The following AP4S1 variants were observed in gnomAD, a reference collection of about 807,000 sequenced individuals.
AP4S1 encodes adaptor related protein complex 4 subunit sigma 1.
A neutral mutation model predicts 19.8 loss-of-function variants in AP4S1; 23 were observed. The observed-to-expected ratio is 1.16, with a 90% CI of 0.84 to 1.65. The LOEUF (loss-of-function observed/expected upper bound fraction) is 1.65, where lower values mean the gene tolerates loss of function less well. Ranked by LOEUF, AP4S1 falls within the 40% of genes most tolerant of loss-of-function variation. The pLI is 0.00. For synonymous variants in AP4S1, 46 were observed against 54.1 expected (o/e 0.85, Z 0.66); for missense variants, 166 against 172.8 (o/e 0.96, Z 0.22).
intron 1 of AP4S1, chr14:31,026,522 A>C: frequency 1.2e-5 from 3 of 248,232 alleles, no homozygotes; most frequent in Non-Finnish European, 1.5e-5. Flanking sequence ...TAATCGCCAA[A>C]TAGAGTCCGG....
In AP4S1 at chr14:31,067,739, G is replaced by A. The variant is rs190663104; in HGVS notation, c.138+1405G>A. 9.9e-3 allele frequency among the ~76,000 whole-genome samples: 1,509 copies of A among 151,716 alleles called. 24 individuals carry two copies. The highest frequency in any genetic ancestry group is 0.035 in the African/African-American group (1,434 of 41,374). On this transcript the variant is annotated intron_variant, in intron 2 of 5. Coordinates refer to ENST00000542754, the MANE Select transcript of AP4S1 (RefSeq NM_001128126.3). ...TCACCATGTTGGTCAGGCTGGTCTCGAACTCCTGACCTCAAGTGATCTGCC... is the reference window on the plus strand; with the variant it reads ...TCACCATGTTGGTCAGGCTGGTCTCAAACTCCTGACCTCAAGTGATCTGCC...
chr14:31,036,889 T>C (rs1884807246), intron 1 of AP4S1, among the ~76,000 whole-genome samples: 1 of 152,106 alleles, frequency 6.6e-6, no homozygotes, highest in Non-Finnish European at 1.5e-5. Flanking sequence ...TCTCGGCTCC[T>C]GTAACCTCCA....
intron 5 of AP4S1, chr14:31,085,584 G>A (rs1887885642): frequency 2.2e-6 from 2 of 909,536 alleles, no homozygotes; most frequent in Non-Finnish European, 2.6e-6. Flanking sequence ...GACCAGCCTG[G>A]GCAACATAGG....
At chr14:31,070,004 T>C in intron 3 of AP4S1, 75 bp downstream of exon 3, 1 of 1,305,934 alleles carries the variant, frequency 7.7e-7, no homozygotes, top group Non-Finnish European at 1.1e-6. Flanking sequence ...ATGACTCTCT[T>C]GATTTTTTTT....
At chr14:31,033,079 C>T (rs1432357402) in intron 1 of AP4S1, 1 of 152,198 alleles carries the variant, frequency 6.6e-6, no homozygotes, top group Non-Finnish European at 1.5e-5. Context: ...TAGAAAGTCT[C>T]CCCGCACAGT....
chr14:31,026,191 G>T (rs768849052), intron 1 of AP4S1: 196 of 1,429,906 alleles, frequency 1.4e-4, no homozygotes, highest in Non-Finnish European at 1.7e-4. Flanking sequence ...TCCATTGTGT[G>T]TGGGGCCCCG....
At chr14:31,025,495 TC>T (rs1409474144), upstream of AP4S1, 1 of 207,114 alleles carries the variant, frequency 4.8e-6, no homozygotes, top group East Asian at 1.6e-4. Flanking sequence ...CCTATCCTAG[TC>T]CCTCTCTTCG....
intron 1 of AP4S1, among the ~76,000 whole-genome samples, chr14:31,048,090 T>G (rs1885524701): frequency 6.6e-6 from 1 of 151,602 alleles, no homozygotes; most frequent in Admixed American, 6.6e-5. Context: ...ATATATTTCT[T>G]TAATTTTTTT....
chr14:31,053,735 T>G (rs921615783), intron 1 of AP4S1, among the ~76,000 whole-genome samples: 5 of 151,708 alleles, frequency 3.3e-5, no homozygotes, highest in Non-Finnish European at 5.9e-5. Flanking sequence ...ATGTCTGGCC[T>G]TTAGTAACCT....
chr14:31,082,426 G>A (rs1283804546), intron 5 of AP4S1, among the ~76,000 whole-genome samples: 3 of 152,132 alleles, frequency 2.0e-5, no homozygotes, highest in South Asian at 2.1e-4. Flanking sequence ...ACTTGAACAA[G>A]GTACAAGTAG....
intron 4 of AP4S1, chr14:31,073,201 CCT>C (rs1887113209): frequency 1.5e-5 from 7 of 469,822 alleles, no homozygotes; most frequent in Non-Finnish European, 7.7e-6. Flanking sequence ...AAAAAAAAAA[CCT>C]CTTATAGCAG....
chr14:31,046,326 A>G (rs1447489785), intron 1 of AP4S1, among the ~76,000 whole-genome samples: 1 of 152,102 alleles, frequency 6.6e-6, no homozygotes, highest in Non-Finnish European at 1.5e-5. Flanking sequence ...CCACTAATCT[A>G]CTTTCTATCA....
At chr14:31,041,911 C>T (rs982534030) in intron 1 of AP4S1, among the ~76,000 whole-genome samples, 2 of 152,174 alleles carry the variant, frequency 1.3e-5, no homozygotes, top group Non-Finnish European at 2.9e-5. Flanking sequence ...TCACTGCAGC[C>T]TCCGCCTCCC....
chr14:31,073,270 C>G (rs1015060299), intron 4 of AP4S1: 4 of 341,052 alleles, frequency 1.2e-5, no homozygotes, highest in African/African-American at 8.5e-5. Context: ...GTGGGCAGAT[C>G]ACAAGGTCAG....
intron 5 of AP4S1, chr14:31,086,070 G>C (rs1242104395): frequency 6.5e-6 from 1 of 152,796 alleles, no homozygotes; most frequent in Non-Finnish European, 1.5e-5. Context: ...CAGGCCCACT[G>C]TGGGCATCTA....
rs531003243 is a variant in AP4S1 at position 31,066,519 on chromosome 14, C to T, written c.138+185C>T. Among the ~76,000 whole-genome samples the T allele has an allele frequency of 7.9e-5, 12 of 152,196 alleles. No individual in the cohort carries two copies. The South Asian group carries it at 2.3e-3, about 29-fold the overall frequency. On this transcript the variant is annotated intron_variant, in intron 2 of 5. Transcript: ENST00000542754. ...CTCTCTTTACATCCCTTTAAGAAAA[C>T]AAAAACAAGGAAAACCTGGAAGAAT... is the stretch of plus-strand genomic sequence containing the variant.
intron 5 of AP4S1, among the ~76,000 whole-genome samples, chr14:31,090,634 G>T (rs1049910599): frequency 1.3e-5 from 2 of 152,186 alleles, no homozygotes; most frequent in Non-Finnish European, 1.5e-5. Context: ...TATTTCAAAT[G>T]TCACCATTGC....
At chr14:31,057,300 A>G (rs1219800337) in intron 1 of AP4S1, among the ~76,000 whole-genome samples, 1 of 152,114 alleles carries the variant, frequency 6.6e-6, no homozygotes, top group Non-Finnish European at 1.5e-5. Flanking sequence ...TTCCTAACCT[A>G]CAACTGACAT....
intron 1 of AP4S1, among the ~76,000 whole-genome samples, chr14:31,030,205 C>T (rs1884308031): frequency 6.6e-6 from 1 of 152,144 alleles, no homozygotes; most frequent in African/African-American, 2.4e-5. Flanking sequence ...ACAGGCTGGT[C>T]TTGAACTCCT....
Sources: allele counts gnomAD v4.1 joint callset (sites outside exome capture counted in the v4.1 genomes callset), GRCh38; gene constraint gnomAD v4.1.1; transcripts MANE v1.5; gene names NCBI Gene and HGNC (gene_info 2026-07-23, HGNC 2026-07-21).